DAB1: variants seen among roughly 807,000 people sequenced by gnomAD.
DAB1 encodes the protein DAB adaptor protein 1, also known as disabled homolog 1.
In DAB1, 15 loss-of-function variants were observed where a neutral mutation model predicts 64.6. The observed-to-expected ratio is 0.23, with a 90% CI of 0.16 to 0.36. The LOEUF is 0.36. DAB1 is among the 10% of genes least tolerant of loss of function. The pLI is 1.00. For missense variants in DAB1, 596 were observed against 706.7 expected (o/e 0.84, Z 1.78); for synonymous variants, 235 against 251.9 (o/e 0.93, Z 0.64).
chr1:57,656,181 T>C (rs1646316640), intron 6 of DAB1, among the ~76,000 whole-genome samples: 1 of 152,170 alleles, frequency 6.6e-6, no homozygotes, highest in South Asian at 2.1e-4. Flanking sequence ...AACCCAGCCA[T>C]GGTGCCACCC....
chr1:58,432,458 C>T (rs1644890169), intron 3 of DAB1, among the ~76,000 whole-genome samples: 1 of 152,132 alleles, frequency 6.6e-6, no homozygotes. Flanking sequence ...CTCACAAATA[C>T]TGGTTGAATG....
At chr1:57,558,434 G>A (rs1012381879) in intron 7 of DAB1, among the ~76,000 whole-genome samples, 2 of 152,178 alleles carry the variant, frequency 1.3e-5, no homozygotes, top group African/African-American at 4.8e-5. Flanking sequence ...GGTTGAGAGG[G>A]TGACCCATGA....
intron 7 of DAB1, among the ~76,000 whole-genome samples, chr1:57,588,082 G>C (rs573993074): frequency 6.6e-6 from 1 of 152,178 alleles, no homozygotes; most frequent in East Asian, 1.9e-4. Flanking sequence ...CAAAGTTTGG[G>C]TGAGATCTTT....
intron 7 of DAB1, among the ~76,000 whole-genome samples, chr1:57,598,774 A>G (rs1335164452): frequency 6.6e-6 from 1 of 152,176 alleles, no homozygotes; most frequent in Non-Finnish European, 1.5e-5. Context: ...GGGGAAAAAA[A>G]TCAAGATCGA....
intron 7 of DAB1, among the ~76,000 whole-genome samples, chr1:57,487,437 G>A (rs1030170411): frequency 2.1e-4 from 32 of 152,318 alleles, no homozygotes; most frequent in African/African-American, 7.7e-4. Flanking sequence ...ACCACGTGTG[G>A]CCCTGCTCTT....
At chr1:57,711,992 TA>T (rs1394429577) in intron 6 of DAB1, among the ~76,000 whole-genome samples, 13 of 152,198 alleles carry the variant, frequency 8.5e-5, no homozygotes, top group East Asian at 7.7e-4. Flanking sequence ...GCTTTTATAT[TA>T]TTTTTTTCTA....
At chr1:58,124,317 T>A (rs1652932220) in intron 5 of DAB1, among the ~76,000 whole-genome samples, 1 of 152,130 alleles carries the variant, frequency 6.6e-6, no homozygotes, top group South Asian at 2.1e-4. Context: ...TAGTTATTAT[T>A]AGAAAATAAT....
intron 14 of DAB1, 76 bp from the exon 15 acceptor site, chr1:56,998,204 G>C (rs960488139): frequency 4.6e-5 from 7 of 152,624 alleles, no homozygotes; most frequent in Admixed American, 3.9e-4. Context: ...GGGAAAAGGG[G>C]TTTAGGATTA....
chr1:57,408,376 T>A (rs269042), intron 1 of DAB1, among the ~76,000 whole-genome samples: 82,246 of 152,014 alleles, frequency 0.54, 23,615 homozygotes, highest in African/African-American at 0.69. Flanking sequence ...CCCCGTAATG[T>A]AACTCATGAA....
intron 1 of DAB1, among the ~76,000 whole-genome samples, chr1:57,356,749 T>C (rs868802477): frequency 1.3e-5 from 2 of 152,120 alleles, no homozygotes; most frequent in South Asian, 4.1e-4. Context: ...TAAAGCCATG[T>C]GTCCTTACTT....
In DAB1 at chr1:57,316,633, G is replaced by T. The variant is rs1001734907; in HGVS notation, c.-136-25467C>A. Among the ~76,000 whole-genome samples, 6 of 152,084 alleles carry T rather than the reference G, an allele frequency of 3.9e-5. No individual in the cohort carries two copies. In the East Asian group the frequency reaches 7.8e-4, roughly 20 times the overall value. On this transcript the variant is annotated intron_variant, in intron 1 of 14. Coordinates refer to ENST00000371236, the MANE Select transcript of DAB1 (RefSeq NM_001365792.1). ...TCGGATGTCTCAAAAAGAAAAAAAAGAAAAAAATAAAAAGCAGCTTGGATC... is the reference window on the plus strand; with the variant it reads ...TCGGATGTCTCAAAAAGAAAAAAAATAAAAAAATAAAAAGCAGCTTGGATC...
intron 4 of DAB1, among the ~76,000 whole-genome samples, chr1:58,189,131 C>G (rs1208436558): frequency 6.6e-6 from 1 of 152,170 alleles, no homozygotes; most frequent in Non-Finnish European, 1.5e-5. Context: ...GGATTGCTGG[C>G]TTGCTTTCCA....
chr1:57,989,123 C>T (rs542967403), intron 5 of DAB1, among the ~76,000 whole-genome samples: 1 of 152,262 alleles, frequency 6.6e-6, no homozygotes, highest in African/African-American at 2.4e-5. Flanking sequence ...TTACTTAACT[C>T]CCCCATGCCT....
intron 5 of DAB1, among the ~76,000 whole-genome samples, chr1:58,067,409 T>C (rs1391177201): frequency 6.6e-6 from 1 of 152,166 alleles, no homozygotes; most frequent in Non-Finnish European, 1.5e-5. Context: ...GACACCCAGG[T>C]TTCTCACCTG....
intron 1 of DAB1, among the ~76,000 whole-genome samples, chr1:57,372,168 G>A (rs1680551425): frequency 6.6e-6 from 1 of 152,186 alleles, no homozygotes; most frequent in African/African-American, 2.4e-5. Context: ...ATGCATTAAT[G>A]TCTCCCTTAC....
At chr1:57,312,596 C>T (rs1342171939) in intron 1 of DAB1, among the ~76,000 whole-genome samples, 1 of 152,174 alleles carries the variant, frequency 6.6e-6, no homozygotes, top group Admixed American at 6.5e-5. Context: ...ATCACCAGGG[C>T]CCAGGCTAAT....
At chr1:57,243,111 G>A (rs1390888612) in intron 2 of DAB1, among the ~76,000 whole-genome samples, 1 of 152,188 alleles carries the variant, frequency 6.6e-6, no homozygotes, top group African/African-American at 2.4e-5. Context: ...TTATGTGTGA[G>A]CCACAAAGCC....
In DAB1 at chr1:56,996,064, C is replaced by T. The variant is rs1379318809; in HGVS notation, c.*2080G>A. ...ATCTAACTGAAAAAAAAATTAGACTCCTGTGACCTGATAGTGTAAAATGTG... is the reference window on the plus strand; with the variant it reads ...ATCTAACTGAAAAAAAAATTAGACTTCTGTGACCTGATAGTGTAAAATGTG... On this transcript the variant is annotated 3_prime_UTR_variant, in exon 15 of 15. Transcript: ENST00000371236. 1 of 152,134 alleles carries T rather than the reference C, an allele frequency of 6.6e-6. No individual in the cohort carries two copies. Among genetic ancestry groups the T allele is most frequent in the Non-Finnish European group, 1.5e-5 (1 of 68,030 alleles). The allele number at this position is 152,134 out of a possible 1,614,324, so 9.4% of individuals were successfully genotyped here.
chr1:56,998,058 G>A lies in DAB1; in HGVS notation c.*86C>T, dbSNP rs1645698782. ...ATGCTGATGTCCATGCCAGTCTTGAGCACCCACCACGAGCTCGCATCGATG... is the reference window on the plus strand; with the variant it reads ...ATGCTGATGTCCATGCCAGTCTTGAACACCCACCACGAGCTCGCATCGATG... On this transcript the variant is annotated 3_prime_UTR_variant, in exon 15 of 15. Transcript: ENST00000371236. The A allele has an allele frequency of 6.6e-6, 1 of 152,572 alleles. No homozygotes were observed. The highest frequency in any genetic ancestry group is 1.5e-5 in the Non-Finnish European group (1 of 68,024). The allele number at this position is 152,572 out of a possible 1,614,324, so 9.5% of individuals were successfully genotyped here.
Sources: allele counts gnomAD v4.1 joint callset (sites outside exome capture counted in the v4.1 genomes callset), GRCh38; gene constraint gnomAD v4.1.1; transcripts MANE v1.5; gene names NCBI Gene and HGNC (gene_info 2026-07-23, HGNC 2026-07-21).